Variants in SNTG1 observed in about 807,000 individuals in gnomAD.
SNTG1 encodes syntrophin gamma 1, also known as gamma-1-syntrophin.
A neutral mutation model predicts 74.7 loss-of-function variants in SNTG1; 39 were observed. That is an observed-to-expected ratio of 0.52 (90% CI 0.40 to 0.68). The LOEUF (loss-of-function observed/expected upper bound fraction) is 0.68, where lower values mean the gene tolerates loss of function less well. Among genes scored for constraint, SNTG1 ranks in the 30% least tolerant of loss-of-function variants. The probability of loss-of-function intolerance (pLI) is 0.00; values close to 1 mark genes in which losing one functional copy is unlikely to be tolerated. For synonymous variants in SNTG1, 254 were observed against 217.1 expected, an observed-to-expected ratio of 1.17 and a Z score of -1.49; for missense variants, 685 against 609.5, an observed-to-expected ratio of 1.12 and a Z score of -1.30.
intron 11 of SNTG1, among the ~76,000 whole-genome samples, chr8:50,552,363 C>A (rs1254029765): frequency 6.6e-6 from 1 of 151,836 alleles, no homozygotes; most frequent in African/African-American, 2.4e-5. Context: ...TTGTCTATGA[C>A]AACAAAAACA....
At chr8:50,588,182 A>C (rs2094666345) in intron 12 of SNTG1, among the ~76,000 whole-genome samples, 1 of 152,022 alleles carries the variant, frequency 6.6e-6, no homozygotes, top group Non-Finnish European at 1.5e-5. Context: ...TTATTGTTTT[A>C]TTTTAAAATG....
At chr8:50,749,740 A>G (rs960884717) in intron 17 of SNTG1, among the ~76,000 whole-genome samples, 7 of 152,016 alleles carry the variant, frequency 4.6e-5, no homozygotes, top group African/African-American at 1.7e-4. Context: ...TGTTTACAGC[A>G]TGGTTTACTG....
At chr8:49,966,963 G>T (rs756692817) in intron 1 of SNTG1, among the ~76,000 whole-genome samples, 7 of 152,010 alleles carry the variant, frequency 4.6e-5, no homozygotes, top group African/African-American at 1.7e-4. Context: ...TTGCTAGCAA[G>T]ATTTTTTTCA....
At chr8:50,205,827 C>T (rs184654828) in intron 2 of SNTG1, among the ~76,000 whole-genome samples, 54 of 152,296 alleles carry the variant, frequency 3.5e-4, no homozygotes, top group African/African-American at 1.1e-3. Flanking sequence ...AGTAGGGAAT[C>T]CTTTCCCCAT....
chr8:50,736,319 A>G (rs1001332637), intron 17 of SNTG1, among the ~76,000 whole-genome samples: 2 of 152,100 alleles, frequency 1.3e-5, no homozygotes, highest in African/African-American at 2.4e-5. Flanking sequence ...TAAAAGATCA[A>G]AAAACACAAA....
chr8:50,221,512 T>TACACACACACAC (rs71550218), intron 2 of SNTG1, among the ~76,000 whole-genome samples: 4 of 130,110 alleles, frequency 3.1e-5, no homozygotes, highest in African/African-American at 1.1e-4. Context: ...AACACACACA[T>TACACACACACAC]ACACACACAC....
intron 8 of SNTG1, among the ~76,000 whole-genome samples, chr8:50,501,945 C>G (rs1443651862): frequency 1.3e-5 from 2 of 152,030 alleles, no homozygotes; most frequent in Admixed American, 6.6e-5. Flanking sequence ...ATATTAATAT[C>G]TTTTTCAGGT....
chr8:50,554,917 GT>G (rs149109652), intron 12 of SNTG1, among the ~76,000 whole-genome samples: 3,136 of 151,976 alleles, frequency 0.021, 107 homozygotes, highest in African/African-American at 0.071. Context: ...TGAATCCAAA[GT>G]TTTTTTTCCT....
chr8:50,355,960 A>C (rs2091805128), intron 2 of SNTG1, among the ~76,000 whole-genome samples: 1 of 152,158 alleles, frequency 6.6e-6, no homozygotes, highest in Admixed American at 6.5e-5. Flanking sequence ...GAGTTCGTTC[A>C]CAACACCCCA....
intron 10 of SNTG1, 68 bp from the exon 11 acceptor site, chr8:50,536,610 G>T: frequency 6.5e-7 from 1 of 1,548,520 alleles, no homozygotes; most frequent in Non-Finnish European, 8.8e-7. Flanking sequence ...CAGATAAAAG[G>T]GGTTTGAGAT....
At chr8:50,562,073 T>A (rs2094491841) in intron 12 of SNTG1, among the ~76,000 whole-genome samples, 2 of 152,222 alleles carry the variant, frequency 1.3e-5, no homozygotes, top group Non-Finnish European at 1.5e-5. Context: ...TAAGTTACAA[T>A]GTGTAACTGG....
chr8:50,578,925 G>A (rs190384794), intron 12 of SNTG1, among the ~76,000 whole-genome samples: 8 of 152,256 alleles, frequency 5.3e-5, no homozygotes, highest in African/African-American at 1.7e-4. Context: ...GTGGCTATAA[G>A]GATACCTGAA....
intron 2 of SNTG1, among the ~76,000 whole-genome samples, chr8:50,273,003 C>T (rs2087871035): frequency 6.6e-6 from 1 of 151,984 alleles, no homozygotes; most frequent in Non-Finnish European, 1.5e-5. Flanking sequence ...GTCAGCCACC[C>T]AAAGTGCTGG....
chr8:49,980,722 G>A (rs1812603711), intron 1 of SNTG1, among the ~76,000 whole-genome samples: 2 of 151,744 alleles, frequency 1.3e-5, no homozygotes, highest in African/African-American at 4.8e-5. Flanking sequence ...TTTAATTTCA[G>A]GTACTTTTGA....
At chr8:50,564,794 G>A (rs2094506847) in intron 12 of SNTG1, among the ~76,000 whole-genome samples, 1 of 151,968 alleles carries the variant, frequency 6.6e-6, no homozygotes, top group Admixed American at 6.6e-5. Context: ...GCCATACAAT[G>A]AGGACTTCAA....
chr8:50,343,135 A>G (rs185545292), intron 2 of SNTG1, among the ~76,000 whole-genome samples: 16 of 152,308 alleles, frequency 1.1e-4, no homozygotes, highest in African/African-American at 3.4e-4. Flanking sequence ...TGATGGATTT[A>G]TGTCGCTCAT....
chr8:50,062,587 T>C (rs971548603), intron 1 of SNTG1, among the ~76,000 whole-genome samples: 1 of 152,196 alleles, frequency 6.6e-6, no homozygotes, highest in Non-Finnish European at 1.5e-5. Flanking sequence ...TTTATTAATG[T>C]TCACAAGCTA....
At chr8:49,958,858 A>G (rs949141049) in intron 1 of SNTG1, among the ~76,000 whole-genome samples, 5 of 152,224 alleles carry the variant, frequency 3.3e-5, no homozygotes, top group Admixed American at 6.5e-5. Context: ...TATCAGAGAA[A>G]TTTCTCCATT....
intron 1 of SNTG1, among the ~76,000 whole-genome samples, chr8:50,161,512 G>A (rs2082414312): frequency 6.6e-6 from 1 of 152,148 alleles, no homozygotes; most frequent in Admixed American, 6.5e-5. Flanking sequence ...CGTAGGGAAA[G>A]GCTAACTTTC....
Sources: allele counts gnomAD v4.1 joint callset (sites outside exome capture counted in the v4.1 genomes callset), GRCh38; gene constraint gnomAD v4.1.1; transcripts MANE v1.5; gene names NCBI Gene and HGNC (gene_info 2026-07-23, HGNC 2026-07-21).